COL20A1: variants seen among roughly 807,000 people sequenced by gnomAD.
COL20A1 encodes the protein collagen type XX alpha 1 chain.
A neutral mutation model predicts 152.9 loss-of-function variants in COL20A1; 164 were observed. That is an observed-to-expected ratio of 1.07 (90% CI 0.94 to 1.22). The LOEUF (loss-of-function observed/expected upper bound fraction) is 1.22. Among genes scored for constraint, COL20A1 ranks in the 50% most tolerant of loss-of-function variants. COL20A1 has a pLI of 0.00. For missense variants in COL20A1, 1,873 were observed against 1,744.8 expected, an observed-to-expected ratio of 1.07 and a Z score of -1.31; for synonymous variants, 864 against 756.0, an observed-to-expected ratio of 1.14 and a Z score of -2.34.
At chr20:63,304,810 AG>A (rs1184899734) in intron 3 of COL20A1, among the ~76,000 whole-genome samples, 1 of 151,920 alleles carries the variant, frequency 6.6e-6, no homozygotes, top group African/African-American at 2.4e-5. Flanking sequence ...AGAATCACCC[AG>A]TGCTCACAGT....
chr20:63,328,010 G>C, intron 32 of COL20A1, 23 bp downstream of exon 32: 2 of 1,611,474 alleles, frequency 1.2e-6, no homozygotes, highest in Non-Finnish European at 1.7e-6. Flanking sequence ...GAGATCTTTG[G>C]CTCACTTGGG....
At chr20:63,323,005 C>A (rs2068188425) in intron 27 of COL20A1, among the ~76,000 whole-genome samples, 1 of 152,250 alleles carries the variant, frequency 6.6e-6, no homozygotes, top group South Asian at 2.1e-4. Context: ...GTGGATGTCC[C>A]CACACTGGCC....
intron 2 of COL20A1, among the ~76,000 whole-genome samples, chr20:63,297,603 C>T (rs1183875830): frequency 2.6e-5 from 4 of 152,314 alleles, no homozygotes; most frequent in African/African-American, 7.2e-5. Flanking sequence ...GGAGGACCCC[C>T]GGAGAGCCAG....
In COL20A1 at chr20:63,325,953, G is replaced by A. The variant is rs898268166; in HGVS notation, c.3403-143G>A. The A allele has an allele frequency of 2.6e-5, 21 of 800,992 alleles. No homozygotes were observed. The African/African-American group carries it at 3.6e-4, about 14-fold the overall frequency. The allele number at this position is 800,992 out of a possible 1,614,324, so 49.6% of individuals were successfully genotyped here. On this transcript the variant is annotated intron_variant, in intron 29 of 35. Coordinates refer to ENST00000358894, the MANE Select transcript of COL20A1 (RefSeq NM_020882.4). ...AGGCAGGGTGGGTGGGGGAGTGGCT[G>A]GGTAGGAGCCTGGCAGCCTCAGCTG...
intron 9 of COL20A1, 81 bp downstream of exon 9, chr20:63,309,578 G>C: frequency 7.4e-7 from 1 of 1,347,700 alleles, no homozygotes; most frequent in Non-Finnish European, 9.8e-7. Context: ...TGTGGCTCCC[G>C]TGTGGTACCT....
intron 31 of COL20A1, 67 bp from the exon 32 acceptor site, chr20:63,327,884 TC>T (rs1664333109): frequency 6.7e-7 from 1 of 1,484,478 alleles, no homozygotes; most frequent in African/African-American, 1.4e-5. Flanking sequence ...CTCAGGGCCA[TC>T]TCACACTTGT....
rs903754888 is a variant in COL20A1, at chr20:63,320,136, C to A, written c.3014C>A (p.Ala1005Glu). The A allele has an allele frequency of 2.6e-6, 4 of 1,550,092 alleles. No individual in the cohort carries two copies. The African/African-American group carries it at 4.1e-5, about 16-fold the overall frequency. Reference sequence around the variant, plus strand: ...GGGGAGATGGGCAGCCCACCCGCTGCGGGCTTCGTCACGCTGGGGAGGCTG... The same window carrying A: ...GGGGAGATGGGCAGCCCACCCGCTGAGGGCTTCGTCACGCTGGGGAGGCTG... ...PLGEMGSPPA[A>E]GFVTLGRLAK... The change falls in exon 24 of 36, where the codon GCG becomes GAG. Residue 1005 changes from alanine to glutamate, a missense_variant. Ala to Glu is a moderately radical substitution (Grantham distance 107). Coordinates refer to ENST00000358894, the MANE Select transcript of COL20A1 (RefSeq NM_020882.4).
chr20:63,330,104 G>A (rs1261341526), intron 35 of COL20A1, among the ~76,000 whole-genome samples: 3 of 152,020 alleles, frequency 2.0e-5, no homozygotes, highest in Admixed American at 6.5e-5. Context: ...TGGGTATGTC[G>A]ATGAGAGAGG....
chr20:63,326,017 G>A, intron 29 of COL20A1, 79 bp from the exon 30 acceptor site: 1 of 1,281,638 alleles, frequency 7.8e-7, no homozygotes. Flanking sequence ...TGTGTTGGGT[G>A]CTGCTGGGGG....
At chr20:63,322,543 C>T (rs570021781) in intron 27 of COL20A1, among the ~76,000 whole-genome samples, 4 of 152,326 alleles carry the variant, frequency 2.6e-5, no homozygotes, top group South Asian at 2.1e-4. Flanking sequence ...TTTCAGATGT[C>T]TCTAGGCTCA....
At chr20:63,326,197 G>A (rs1274369509) in intron 30 of COL20A1, 48 bp downstream of exon 30, 1 of 1,488,276 alleles carries the variant, frequency 6.7e-7, no homozygotes, top group South Asian at 1.1e-5. Flanking sequence ...GGGTTCCTGT[G>A]TTCCAGGGGT....
Position 63,316,657 on chromosome 20 carries a change from C to T in COL20A1, c.2629C>T (p.Leu877Phe). 1 of 1,576,028 alleles carries T rather than the reference C, an allele frequency of 6.3e-7. No individual in the cohort carries two copies. Among genetic ancestry groups the T allele is most frequent in the Non-Finnish European group, 8.6e-7 (1 of 1,161,708 alleles). ...CTTCGGTGGGACCCCGACCTTCACGCTCTTCAAGGACGCCCAGCTGACAAG... is the reference window on the plus strand; with the variant it reads ...CTTCGGTGGGACCCCGACCTTCACGTTCTTCAAGGACGCCCAGCTGACAAG... ...SAFGGTPTFT[L>F]FKDAQLTRRV... The change falls in exon 21 of 36, where the codon CTC (leucine) becomes TTC (phenylalanine). Residue 877 changes from leucine (L) to phenylalanine (F), a missense_variant. Coordinates refer to ENST00000358894, the MANE Select transcript of COL20A1 (RefSeq NM_020882.4).
At position 63,306,580 on chromosome 20, in the gene COL20A1, G is replaced by C; in HGVS notation, c.496+541G>C. On this transcript the variant is annotated intron_variant, in intron 5 of 35. Transcript: ENST00000358894. The surrounding 1 kb of genome is among the most constrained non-coding windows in gnomAD (Gnocchi z 6.9). ...CTGGTCCGGGGGCCCTGGAGGGAGG[G>C]CCCTGCCCAGCCGGCCCCAGGCGTG... 6.6e-6 allele frequency among the ~76,000 whole-genome samples: 1 copy of C among 152,066 alleles called. No homozygotes were observed.
rs2068031082 is a variant in COL20A1, at chr20:63,312,911, CT to C, written c.2054del (p.Leu685ArgfsTer23). 6.4e-7 allele frequency: 1 copy of C among 1,555,702 alleles called. No individual in the cohort carries two copies. The highest frequency in any genetic ancestry group is 8.7e-7 in the Non-Finnish European group (1 of 1,149,228). On this transcript the variant is annotated frameshift_variant, in exon 16 of 36. Coordinates refer to ENST00000358894, the MANE Select transcript of COL20A1 (RefSeq NM_020882.4). LOFTEE classifies it high-confidence loss of function. ...VLVYQITWTP[L>X]GEGKAHEISV... Reference sequence around the variant, plus strand: ...TGTCTACCAGATCACGTGGACGCCCCTGGGAGAGGGGAAGGCTCACGAGGTG... The same window carrying C: ...TGTCTACCAGATCACGTGGACGCCCCGGGAGAGGGGAAGGCTCACGAGGTG...
In COL20A1 at chr20:63,320,092, G is replaced by T; in HGVS notation, c.2970G>T (p.Lys990Asn). The T allele has an allele frequency of 6.4e-7, 1 of 1,555,002 alleles. No homozygotes were observed. Among genetic ancestry groups the T allele is most frequent in the Non-Finnish European group, 8.7e-7 (1 of 1,150,080 alleles). Residue 990 changes from lysine to asparagine, a missense_variant, in exon 24 of 36, where the codon AAG (lysine) becomes AAT (asparagine). Transcript: ENST00000358894. ...SKVRLYVDCR[K>N]VAERPLGEMG... ...TCAGGCTCTATGTGGACTGCCGGAAGGTGGCTGAGCGGCCCCTTGGGGAGA... is the reference window on the plus strand; with the variant it reads ...TCAGGCTCTATGTGGACTGCCGGAATGTGGCTGAGCGGCCCCTTGGGGAGA...
At position 63,308,069 on chromosome 20, in the gene COL20A1, A is replaced by C. The variant is rs1202454136; in HGVS notation, c.754A>C (p.Lys252Gln). 6 of 1,611,998 alleles carry C rather than the reference A, an allele frequency of 3.7e-6. No homozygotes were observed. Among genetic ancestry groups the C allele is most frequent in the Non-Finnish European group, 4.2e-6 (5 of 1,179,736 alleles). The change falls in exon 7 of 36, where the codon AAG (lysine) becomes CAG (glutamine). Residue 252 changes from lysine to glutamine, a missense_variant. Transcript: ENST00000358894. ...GGCAGCTGTGCGCCGCCTCCGCTAC[A>C]AGGGGGGGAACACGTTCACAGGTAC... ...VLAAVRRLRY[K>Q]GGNTFTGLAL...
intron 31 of COL20A1, chr20:63,327,320 T>G (rs1467968966): frequency 1.2e-5 from 2 of 173,578 alleles, no homozygotes; most frequent in Non-Finnish European, 2.5e-5. Context: ...AGGCCTGTTC[T>G]GAGCTGGGAG....
rs1292280004 is a variant in COL20A1, at chr20:63,332,315, C to G, written c.*1599C>G. On this transcript the variant is annotated 3_prime_UTR_variant, in exon 36 of 36. Coordinates refer to ENST00000358894, the MANE Select transcript of COL20A1 (RefSeq NM_020882.4). ...CCCCTCCGTCCTGCAGGGAGGACAC[C>G]TAGGTCACTTGGCTTCTGTTGGGGA... 6.6e-6 allele frequency: 1 copy of G among 152,314 alleles called. No individual in the cohort carries two copies. Among genetic ancestry groups the G allele is most frequent in the Admixed American group, 6.5e-5 (1 of 15,288 alleles). 9.4% of individuals were successfully genotyped at this position (152,314 alleles called of 1,614,324 possible). A position where few individuals can be genotyped will look rare whatever the true frequency, so the allele number is the denominator to read the frequency against.
At chr20:63,328,695 T>A (rs1430578874) in intron 34 of COL20A1, among the ~76,000 whole-genome samples, 197 bp downstream of exon 34, 2 of 151,982 alleles carry the variant, frequency 1.3e-5, no homozygotes, top group African/African-American at 2.4e-5. Flanking sequence ...GGCAAAGAGG[T>A]CAGCCTCGGC....
Sources: gnomAD v4.1 joint callset for allele counts (sites outside exome capture counted in the v4.1 genomes callset) on GRCh38, gnomAD v4.1.1 for gene constraint, Gnocchi (gnomAD v3.1) non-coding constraint, MANE v1.5 for transcripts, NCBI Gene and HGNC (gene_info 2026-07-23, HGNC 2026-07-21) for gene names.